COMMD10: variants seen among roughly 807,000 people sequenced by gnomAD.
COMMD10 encodes COMM domain-containing protein 10.
Under a neutral mutation model 28.9 loss-of-function variants are expected in COMMD10, and 33 were observed. The ratio of observed to expected loss-of-function variants is 1.14; its 90% confidence interval spans 0.87 to 1.53. The LOEUF is 1.53. Ranked by LOEUF, COMMD10 falls within the 40% of genes most tolerant of loss-of-function variation. COMMD10 has a pLI of 0.00. For synonymous variants in COMMD10, 110 were observed against 81.7 expected (o/e 1.35, Z -1.87); for missense variants, 310 against 233.4 (o/e 1.33, Z -2.14).
intron 5 of COMMD10, among the ~76,000 whole-genome samples, chr5:116,138,629 T>C (rs548731790): frequency 1.3e-5 from 2 of 151,904 alleles, no homozygotes; most frequent in South Asian, 4.1e-4. Flanking sequence ...TTCATTTTTT[T>C]TTCTTTTACA....
intron 5 of COMMD10, among the ~76,000 whole-genome samples, chr5:116,213,122 A>G (rs892800782): frequency 6.6e-6 from 1 of 152,074 alleles, no homozygotes; most frequent in Non-Finnish European, 1.5e-5. Context: ...GAATACCATT[A>G]TGATATAACT....
rs1561656802 is a variant in COMMD10 at position 116,187,759 on chromosome 5, CATT to C, written c.510+53587_510+53589del. Among the ~76,000 whole-genome samples the C allele has an allele frequency of 6.6e-5, 10 of 152,128 alleles. No homozygotes were observed. In the South Asian group the frequency reaches 2.1e-3, roughly 31 times the overall value. On this transcript the variant is annotated intron_variant, in intron 5 of 6. Transcript: ENST00000274458. ...TAATTAAATTCTTTTTTTAACCAAA[CATT>C]ATTATAAATAAAATTGCTGAATTCC...
chr5:116,188,269 T>C (rs1043577721), intron 5 of COMMD10, among the ~76,000 whole-genome samples: 8 of 152,280 alleles, frequency 5.3e-5, no homozygotes, highest in Middle Eastern at 3.4e-3. Flanking sequence ...TCAAGTCCAC[T>C]TGACTTAAAG....
At chr5:116,137,780 C>T (rs917842334) in intron 5 of COMMD10, among the ~76,000 whole-genome samples, 1 of 151,920 alleles carries the variant, frequency 6.6e-6, no homozygotes, top group Non-Finnish European at 1.5e-5. Context: ...ACTTCTGTCT[C>T]GAGGCTTTCC....
At chr5:116,134,204 G>C in intron 5 of COMMD10, 26 bp downstream of exon 5, 1 of 1,332,816 alleles carries the variant, frequency 7.5e-7, no homozygotes, top group Non-Finnish European at 1.1e-6. Context: ...CCATTAAAAG[G>C]ATGTATTTTG....
At chr5:116,158,154 CT>C (rs1244736544) in intron 5 of COMMD10, among the ~76,000 whole-genome samples, 1 of 114,948 alleles carries the variant, frequency 8.7e-6, no homozygotes, top group East Asian at 2.6e-4. Context: ...CTCCCTTCCC[CT>C]CCCTCCCTCC....
rs575573049 is a variant in COMMD10 at position 116,285,374 on chromosome 5, G to C, written c.511-6143G>C. ...AATGTGGGGAGTTGGCCCTTGGCCT[G>C]CCACCCTTTCCTTTTTATCCTGCAC... On this transcript the variant is annotated intron_variant, in intron 5 of 6. Coordinates refer to ENST00000274458, the MANE Select transcript of COMMD10 (RefSeq NM_016144.4). Among the ~76,000 whole-genome samples the C allele has an allele frequency of 4.6e-5, 7 of 151,994 alleles. No homozygotes were observed. In the South Asian group the frequency reaches 1.5e-3, roughly 31 times the overall value.
chr5:116,100,823 G>C (rs1294992283), intron 4 of COMMD10, among the ~76,000 whole-genome samples: 1 of 151,864 alleles, frequency 6.6e-6, no homozygotes, highest in East Asian at 1.9e-4. Flanking sequence ...CTGAAATTTT[G>C]TTACATGCAT....
intron 5 of COMMD10, among the ~76,000 whole-genome samples, chr5:116,231,584 C>A (rs558285503): frequency 6.6e-6 from 1 of 150,534 alleles, no homozygotes; most frequent in Admixed American, 6.7e-5. Flanking sequence ...CAGCTTTAGT[C>A]TAATGACAAA....
At chr5:116,117,888 A>G (rs1283587221) in intron 4 of COMMD10, among the ~76,000 whole-genome samples, 1 of 152,198 alleles carries the variant, frequency 6.6e-6, no homozygotes, top group East Asian at 1.9e-4. Context: ...CCATTACTAG[A>G]CTAAGAACTC....
chr5:116,275,959 T>TAG (rs200529932), intron 5 of COMMD10, among the ~76,000 whole-genome samples: 1 of 131,338 alleles, frequency 7.6e-6, no homozygotes, highest in Non-Finnish European at 1.7e-5. Context: ...AAAAAAAATG[T>TAG]ATATATATAT....
chr5:116,095,554 C>A (rs138765945), intron 4 of COMMD10, among the ~76,000 whole-genome samples: 2 of 152,046 alleles, frequency 1.3e-5, no homozygotes, highest in Admixed American at 6.6e-5. Flanking sequence ...ATGATTTGCA[C>A]GTATTTTCTC....
At chr5:116,266,447 G>T (rs7729439) in intron 5 of COMMD10, among the ~76,000 whole-genome samples, 1 of 151,308 alleles carries the variant, frequency 6.6e-6, no homozygotes, top group Non-Finnish European at 1.5e-5. Context: ...TGAAAATATT[G>T]TAAAATATTT....
intron 5 of COMMD10, among the ~76,000 whole-genome samples, chr5:116,194,006 C>G (rs1748440228): frequency 1.3e-5 from 2 of 152,076 alleles, no homozygotes; most frequent in Admixed American, 1.3e-4. Flanking sequence ...AAATCAACTC[C>G]AAAAGGAACC....
At chr5:116,206,563 A>C (rs569913364) in intron 5 of COMMD10, among the ~76,000 whole-genome samples, 1 of 152,192 alleles carries the variant, frequency 6.6e-6, no homozygotes, top group East Asian at 1.9e-4. Context: ...GAGGCAGGAG[A>C]ATTGCTTGAA....
chr5:116,160,469 A>G (rs768162549), intron 5 of COMMD10, among the ~76,000 whole-genome samples: 1 of 152,166 alleles, frequency 6.6e-6, no homozygotes, highest in Non-Finnish European at 1.5e-5. Context: ...ATTAAATGTG[A>G]TTGATAAAGC....
chr5:116,281,399 A>T (rs2112708455), intron 5 of COMMD10, among the ~76,000 whole-genome samples: 1 of 151,846 alleles, frequency 6.6e-6, no homozygotes. Context: ...ATAAAAAGGA[A>T]TGGGTGGTGA....
chr5:116,132,615 A>C (rs750193504), intron 4 of COMMD10, among the ~76,000 whole-genome samples: 2 of 151,934 alleles, frequency 1.3e-5, no homozygotes, highest in Admixed American at 6.6e-5. Flanking sequence ...AACATTTTAC[A>C]GGTCTATATA....
At chr5:116,231,312 T>G (rs1381270090) in intron 5 of COMMD10, among the ~76,000 whole-genome samples, 1 of 152,202 alleles carries the variant, frequency 6.6e-6, no homozygotes, top group Non-Finnish European at 1.5e-5. Context: ...AGCTTTTTCA[T>G]GTCAACAAGA....
Sources: allele counts gnomAD v4.1 joint callset (sites outside exome capture counted in the v4.1 genomes callset), GRCh38; gene constraint gnomAD v4.1.1; transcripts MANE v1.5; gene names NCBI Gene and HGNC (gene_info 2026-07-23, HGNC 2026-07-21).